The following NOL4 variants were observed in gnomAD, a reference collection of about 807,000 sequenced individuals.
The protein encoded by NOL4 is nucleolar protein 4.
Under a neutral mutation model 75.9 loss-of-function variants are expected in NOL4, and 17 were observed. That is an observed-to-expected ratio of 0.22 (90% CI 0.15 to 0.34). The LOEUF (loss-of-function observed/expected upper bound fraction) is 0.34, where lower values mean the gene tolerates loss of function less well. NOL4 is among the 10% of genes least tolerant of loss of function. The pLI, the probability that NOL4 is intolerant of heterozygous loss-of-function variation, is 1.00. For missense variants in NOL4, 614 were observed against 793.5 expected (o/e 0.77, Z 2.72); for synonymous variants, 292 against 289.9 (o/e 1.01, Z -0.07).
intron 9 of NOL4, among the ~76,000 whole-genome samples, chr18:33,884,481 A>G (rs1297386820): frequency 6.6e-6 from 1 of 152,158 alleles, no homozygotes; most frequent in Admixed American, 6.6e-5. Context: ...TGAGGAAATA[A>G]AACGTTTAAA....
chr18:34,187,258 G>C (rs934923696), intron 1 of NOL4, among the ~76,000 whole-genome samples: 10 of 151,582 alleles, frequency 6.6e-5, no homozygotes, highest in Non-Finnish European at 1.3e-4. Context: ...TTTTTCCAGA[G>C]TGTCAGATAA....
chr18:34,056,560 T>C (rs2076841629), intron 5 of NOL4, among the ~76,000 whole-genome samples: 1 of 152,160 alleles, frequency 6.6e-6, no homozygotes, highest in Non-Finnish European at 1.5e-5. Flanking sequence ...ATCAGTGCTA[T>C]GATATAGAAA....
At chr18:34,091,089 C>T (rs1242541403) in intron 5 of NOL4, among the ~76,000 whole-genome samples, 2 of 151,824 alleles carry the variant, frequency 1.3e-5, no homozygotes, top group Non-Finnish European at 2.9e-5. Context: ...GTGACTCATG[C>T]CTGTAATCCC....
intron 6 of NOL4, among the ~76,000 whole-genome samples, chr18:33,959,259 G>A (rs189066466): frequency 5.9e-5 from 9 of 152,188 alleles, no homozygotes; most frequent in Admixed American, 3.3e-4. Flanking sequence ...TAGAGCCTCC[G>A]TTGTCAGAAT....
chr18:33,917,663 T>C lies in NOL4; in HGVS notation c.1542+25402A>G, dbSNP rs73414364. ...GTGGGTGCTACTACACCTAGTTAAT[T>C]TTTTTTTTATTTTAATGCTTAGTAG... On this transcript the variant is annotated intron_variant, in intron 9 of 10. Coordinates refer to ENST00000261592, the MANE Select transcript of NOL4 (RefSeq NM_003787.5). Among the ~76,000 whole-genome samples the C allele has an allele frequency of 5.7e-3, 860 of 150,854 alleles. 13 individuals carry two copies. The highest frequency in any genetic ancestry group is 0.02 in the African/African-American group (810 of 41,084).
intron 6 of NOL4, among the ~76,000 whole-genome samples, chr18:33,967,770 C>G (rs1446320312): frequency 5.3e-5 from 8 of 152,138 alleles, no homozygotes; most frequent in African/African-American, 1.9e-4. Flanking sequence ...CCATCTCACT[C>G]CAGTCAGAAT....
Position 34,223,482 on chromosome 18 carries a change from G to A in NOL4, c.-229C>T, listed in dbSNP as rs894306310. 1 of 597,078 alleles carries A rather than the reference G, an allele frequency of 1.7e-6. No individual in the cohort carries two copies. Among genetic ancestry groups the A allele is most frequent in the African/African-American group, 1.9e-5 (1 of 53,816 alleles). 37.0% of individuals were successfully genotyped at this position (597,078 alleles called of 1,614,324 possible). A position where few individuals can be genotyped will look rare whatever the true frequency, so the allele number is the denominator to read the frequency against. On this transcript the variant is annotated 5_prime_UTR_variant, in exon 1 of 11. Transcript: ENST00000261592. ...AGTCTGGTCCATTCGTAATTGCAAC[G>A]GCTGTCTCGGACGTTTTTCCTGTTC... is the stretch of plus-strand genomic sequence containing the variant.
chr18:34,210,939 T>C (rs1208953538), intron 1 of NOL4, among the ~76,000 whole-genome samples: 1 of 152,282 alleles, frequency 6.6e-6, no homozygotes, highest in South Asian at 2.1e-4. Context: ...AGAAAAAGTT[T>C]TTTCTTGTAG....
At chr18:33,929,062 T>C (rs2067517576) in intron 9 of NOL4, among the ~76,000 whole-genome samples, 1 of 151,646 alleles carries the variant, frequency 6.6e-6, no homozygotes. Flanking sequence ...ACTTTTCCCA[T>C]AGTCTCATCT....
Position 34,034,765 on chromosome 18 carries a change from T to TAAAC in NOL4, c.773-15168_773-15165dup, listed in dbSNP as rs567261980. On this transcript the variant is annotated intron_variant, in intron 5 of 10. Transcript: ENST00000261592. ...ACCCCACCCCCCAAAAAAGCAACAA[T>TAAAC]AAACAATCCCAAAGTGAGCAGGAAT... 4.5e-3 allele frequency among the ~76,000 whole-genome samples: 465 copies of TAAAC among 102,574 alleles called. 1 individual carries two copies. Among genetic ancestry groups the TAAAC allele is most frequent in the Admixed American group, 0.013 (118 of 8,960 alleles). 67.3% of individuals were successfully genotyped at this position (102,574 alleles called of 152,430 possible). A position where few individuals can be genotyped will look rare whatever the true frequency, so the allele number is the denominator to read the frequency against.
chr18:33,858,066 A>G (rs780223163), intron 10 of NOL4, among the ~76,000 whole-genome samples: 50 of 152,206 alleles, frequency 3.3e-4, no homozygotes, highest in Non-Finnish European at 6.3e-4. Flanking sequence ...AGGCAAGGAA[A>G]ACTACTTCAA....
intron 9 of NOL4, among the ~76,000 whole-genome samples, chr18:33,891,195 T>G (rs541220595): frequency 2.0e-5 from 3 of 152,232 alleles, no homozygotes; most frequent in African/African-American, 7.2e-5. Flanking sequence ...TGGATTAATT[T>G]TTCTCATGCA....
intron 5 of NOL4, among the ~76,000 whole-genome samples, chr18:34,023,791 T>C (rs538771904): frequency 1.3e-5 from 2 of 152,194 alleles, no homozygotes; most frequent in East Asian, 3.9e-4. Flanking sequence ...AGAATTATTG[T>C]GCTATCTCTG....
At chr18:34,187,586 A>G (rs893172208) in intron 1 of NOL4, among the ~76,000 whole-genome samples, 1 of 151,800 alleles carries the variant, frequency 6.6e-6, no homozygotes, top group African/African-American at 2.4e-5. Flanking sequence ...ACGGGGTTTC[A>G]CCGTGTTAGC....
At chr18:34,046,742 T>A (rs534982997) in intron 5 of NOL4, among the ~76,000 whole-genome samples, 1 of 150,900 alleles carries the variant, frequency 6.6e-6, no homozygotes, top group Non-Finnish European at 1.5e-5. Context: ...CACTGCCTTC[T>A]GCAGTGACCC....
At chr18:34,026,504 C>T (rs1406419358) in intron 5 of NOL4, among the ~76,000 whole-genome samples, 14 of 152,106 alleles carry the variant, frequency 9.2e-5, no homozygotes, top group Admixed American at 9.2e-4. Context: ...GCTTCACTAA[C>T]CCCTGCTTGG....
chr18:34,042,002 A>G (rs2076162142), intron 5 of NOL4, among the ~76,000 whole-genome samples: 1 of 152,072 alleles, frequency 6.6e-6, no homozygotes, highest in African/African-American at 2.4e-5. Context: ...TTACAAAAAT[A>G]TAGGTTCAGG....
intron 1 of NOL4, among the ~76,000 whole-genome samples, chr18:34,177,651 T>C (rs1399746784): frequency 1.3e-5 from 2 of 151,772 alleles, no homozygotes. Flanking sequence ...AGTTAATTTC[T>C]AATAAGAAAT....
chr18:34,183,822 G>C (rs1020942382), intron 1 of NOL4, among the ~76,000 whole-genome samples: 1 of 151,794 alleles, frequency 6.6e-6, no homozygotes, highest in East Asian at 1.9e-4. Context: ...TCTACAAAAA[G>C]GAAGAATGAG....
Sources: gnomAD v4.1 joint callset for allele counts (sites outside exome capture counted in the v4.1 genomes callset) on GRCh38, gnomAD v4.1.1 for gene constraint, MANE v1.5 for transcripts, NCBI Gene and HGNC (gene_info 2026-07-23, HGNC 2026-07-21) for gene names.